The following NBAS variants were observed in gnomAD, a reference collection of about 807,000 sequenced individuals.
The protein encoded by NBAS is NBAS subunit of NRZ tethering complex.
Under a neutral mutation model 302.5 loss-of-function variants are expected in NBAS, and 219 were observed. The ratio of observed to expected loss-of-function variants is 0.72; its 90% CI spans 0.65 to 0.81. The LOEUF (loss-of-function observed/expected upper bound fraction) is 0.81, where lower values mean the gene tolerates loss of function less well. Ranked by LOEUF, NBAS falls within the 30% of genes least tolerant of loss-of-function variation. The probability of loss-of-function intolerance (pLI) is 0.00; values close to 1 mark genes in which losing one functional copy is unlikely to be tolerated. For missense variants in NBAS, 2,932 were observed against 2,841.6 expected, an observed-to-expected ratio of 1.03 and a Z score of -0.72; for synonymous variants, 1,118 against 1,021.6, an observed-to-expected ratio of 1.09 and a Z score of -1.80.
chr2:15,483,453 C>T (rs1680510209), intron 12 of NBAS: 1 of 266,146 alleles, frequency 3.8e-6, no homozygotes, highest in African/African-American at 2.3e-5. Flanking sequence ...TACAAATAGA[C>T]AAATAATAAA....
chr2:15,366,465 C>A (rs1047414333), intron 32 of NBAS, 115 bp downstream of exon 32: 57 of 994,672 alleles, frequency 5.7e-5, no homozygotes, highest in Non-Finnish European at 8.8e-5. Flanking sequence ...GAGACCCTGT[C>A]TAATAAAAAA....
At chr2:15,390,723 T>C (rs1675549620) in intron 28 of NBAS, among the ~76,000 whole-genome samples, 2 of 152,176 alleles carry the variant, frequency 1.3e-5, no homozygotes, top group Admixed American at 1.3e-4. Flanking sequence ...TTTAAATATA[T>C]AAAATAAGAC....
chr2:15,158,875 T>G, the NBAS span, among the ~76,000 whole-genome samples: 2 of 152,144 alleles, frequency 1.3e-5, 1 homozygote, highest in East Asian at 3.9e-4. Flanking sequence ...GACATCTCAG[T>G]GCCCTAACCC....
rs1665300850 is a variant in NBAS at position 15,190,507 on chromosome 2, A to G, written c.6433-104T>C. 5 of 1,363,850 alleles carry G rather than the reference A, an allele frequency of 3.7e-6. No individual in the cohort carries two copies. The East Asian group carries it at 1.3e-4, about 34-fold the overall frequency. The allele number at this position is 1,363,850 out of a possible 1,614,324, so 84.5% of individuals were successfully genotyped here. ...ATTAAACTTTTTTTTAAAATGTTTT[A>G]CAATGTGTTAAGATTCAACATCAGA... On this transcript the variant is annotated intron_variant, in intron 48 of 51. Transcript: ENST00000281513.
intron 35 of NBAS, among the ~76,000 whole-genome samples, chr2:15,340,913 T>C (rs1003219100): frequency 1.3e-5 from 2 of 152,076 alleles, no homozygotes; most frequent in African/African-American, 4.8e-5. Context: ...AGGCACAAGC[T>C]GTTCTGGTAA....
rs112865531 is a variant in NBAS, at chr2:15,482,421, G to C, written c.1084-4132C>G. On this transcript the variant is annotated intron_variant, in intron 12 of 51. Coordinates refer to ENST00000281513, the MANE Select transcript of NBAS (RefSeq NM_015909.4). ...GAATGAGCCACCGCACCCAACCAGA[G>C]CCTTCATTTCTGAAGGTGCCTGTGT... is the stretch of plus-strand genomic sequence containing the variant. 7.1e-3 allele frequency among the ~76,000 whole-genome samples: 1,077 copies of C among 152,196 alleles called. 10 individuals carry two copies. The highest frequency in any genetic ancestry group is 0.022 in the African/African-American group (914 of 41,520).
At chr2:15,243,878 A>T (rs541905849) in intron 44 of NBAS, among the ~76,000 whole-genome samples, 2 of 152,352 alleles carry the variant, frequency 1.3e-5, no homozygotes, top group South Asian at 4.1e-4. Flanking sequence ...GTAAGAGATA[A>T]GACGGAGAAA....
At chr2:14,818,149 C>G in the NBAS span, among the ~76,000 whole-genome samples, 93 of 152,286 alleles carry the variant, frequency 6.1e-4, no homozygotes, top group African/African-American at 2.1e-3. Flanking sequence ...TCACTCACCT[C>G]TGTCCACCAG....
At chr2:15,229,036 T>G (rs1667261847) in intron 47 of NBAS, among the ~76,000 whole-genome samples, 1 of 152,170 alleles carries the variant, frequency 6.6e-6, no homozygotes, top group Non-Finnish European at 1.5e-5. Context: ...ACCAATTTTA[T>G]CATTCATTCA....
chr2:15,427,594 T>C (rs762869093), intron 22 of NBAS, 117 bp downstream of exon 22: 44 of 848,024 alleles, frequency 5.2e-5, no homozygotes, highest in Non-Finnish European at 8.2e-5. Context: ...ACTCAAACTT[T>C]CTAAATTAGG....
chr2:15,522,796 T>A (rs535252179), intron 9 of NBAS, among the ~76,000 whole-genome samples: 1 of 152,324 alleles, frequency 6.6e-6, no homozygotes, highest in African/African-American at 2.4e-5. Context: ...CCCCAAAATT[T>A]AACTACTAAT....
chr2:15,098,346 TA>T, the NBAS span, among the ~76,000 whole-genome samples: 1 of 6,524 alleles, frequency 1.5e-4, no homozygotes, highest in Admixed American at 1.7e-3. Flanking sequence ...ATATAATATA[TA>T]ATATATGATA....
chr2:15,353,418 A>G (rs184094268), intron 34 of NBAS, 135 bp downstream of exon 34: 106 of 1,107,864 alleles, frequency 9.6e-5, no homozygotes, highest in Non-Finnish European at 1.1e-5. Flanking sequence ...TCCCTTTTCC[A>G]TAAGTGACAA....
intron 51 of NBAS, among the ~76,000 whole-genome samples, chr2:15,173,848 G>A (rs1379431687): frequency 3.9e-5 from 6 of 152,098 alleles, no homozygotes; most frequent in South Asian, 4.1e-4. Context: ...TTAATTCTTC[G>A]TGTTATTATT....
intron 22 of NBAS, among the ~76,000 whole-genome samples, chr2:15,425,779 C>A (rs545778141): frequency 1.2e-3 from 185 of 152,304 alleles, no homozygotes; most frequent in African/African-American, 4.2e-3. Flanking sequence ...CCAACAGTAA[C>A]GCTGAGTTCC....
At chr2:15,038,488 C>T in the NBAS span, among the ~76,000 whole-genome samples, 3 of 152,168 alleles carry the variant, frequency 2.0e-5, no homozygotes, top group African/African-American at 7.2e-5. Flanking sequence ...TCGGTCTGCA[C>T]ATCTCATGAT....
intron 44 of NBAS, among the ~76,000 whole-genome samples, chr2:15,258,417 C>T (rs1668700367): frequency 6.6e-6 from 1 of 152,138 alleles, no homozygotes; most frequent in South Asian, 2.1e-4. Context: ...TATTTTTCTT[C>T]TTGCAGAGAG....
At chr2:15,502,790 C>A (rs999228868) in intron 11 of NBAS, among the ~76,000 whole-genome samples, 2 of 152,184 alleles carry the variant, frequency 1.3e-5, no homozygotes, top group Admixed American at 1.3e-4. Context: ...TACACTTAGG[C>A]TCCACTACAT....
intron 41 of NBAS, 107 bp downstream of exon 41, chr2:15,292,430 A>C (rs941157833): frequency 1.1e-4 from 125 of 1,174,102 alleles, no homozygotes; most frequent in Non-Finnish European, 1.5e-4. Flanking sequence ...ATTCATAGCA[A>C]CCATGAATGT....
Sources: gnomAD v4.1 joint callset for allele counts (sites outside exome capture counted in the v4.1 genomes callset) on GRCh38, gnomAD v4.1.1 for gene constraint, MANE v1.5 for transcripts, NCBI Gene and HGNC (gene_info 2026-07-23, HGNC 2026-07-21) for gene names.